The following NRXN1 variants were observed in gnomAD, a reference collection of about 807,000 sequenced individuals.
NRXN1 encodes the protein neurexin 1.
In NRXN1, 39 loss-of-function variants were observed where a neutral mutation model predicts 150.9. That is an observed-to-expected ratio of 0.26 (90% CI 0.20 to 0.34). The LOEUF (loss-of-function observed/expected upper bound fraction) is 0.34, where lower values mean the gene tolerates loss of function less well. Among genes scored for constraint, NRXN1 ranks in the 10% least tolerant of loss-of-function variants. The pLI is 1.00. For missense variants in NRXN1, 1,815 were observed against 1,949.9 expected, an observed-to-expected ratio of 0.93 and a Z score of 1.30; for synonymous variants, 924 against 757.0, an observed-to-expected ratio of 1.22 and a Z score of -3.62.
chr2:50,976,277 T>C (rs983812057), intron 2 of NRXN1, among the ~76,000 whole-genome samples: 22 of 151,988 alleles, frequency 1.4e-4, no homozygotes, highest in Middle Eastern at 3.4e-3. Context: ...TTCTTTCTTG[T>C]ATTTCCTAAA....
intron 21 of NRXN1, among the ~76,000 whole-genome samples, chr2:49,975,607 T>C (rs1205942506): frequency 6.6e-6 from 1 of 152,222 alleles, no homozygotes; most frequent in African/African-American, 2.4e-5. Flanking sequence ...TTTTTTAAAA[T>C]AGATGTTGTC....
intron 17 of NRXN1, among the ~76,000 whole-genome samples, chr2:50,350,498 G>T (rs1413683334): frequency 6.6e-6 from 1 of 152,116 alleles, no homozygotes; most frequent in Non-Finnish European, 1.5e-5. Context: ...TGTGCATTGG[G>T]AACACAAACG....
chr2:50,372,049 C>G (rs545341983), intron 17 of NRXN1, among the ~76,000 whole-genome samples: 1 of 152,118 alleles, frequency 6.6e-6, no homozygotes, highest in South Asian at 2.1e-4. Flanking sequence ...GAAACAAAAT[C>G]ACTGTTGCTT....
intron 5 of NRXN1, among the ~76,000 whole-genome samples, chr2:50,814,744 C>A (rs1404566668): frequency 6.6e-6 from 1 of 152,006 alleles, no homozygotes; most frequent in Admixed American, 6.6e-5. Context: ...TAAAAATATA[C>A]AAAGGTATTT....
At chr2:50,561,427 T>C (rs1398546282) in intron 8 of NRXN1, among the ~76,000 whole-genome samples, 1 of 152,202 alleles carries the variant, frequency 6.6e-6, no homozygotes, top group Non-Finnish European at 1.5e-5. Context: ...AACTGCAAAC[T>C]TGATCAATTG....
intron 18 of NRXN1, among the ~76,000 whole-genome samples, chr2:50,187,212 C>T (rs970169253): frequency 3.3e-5 from 5 of 152,164 alleles, no homozygotes; most frequent in Admixed American, 1.3e-4. Context: ...ATGAATATTA[C>T]ACATCCTGAG....
intron 5 of NRXN1, among the ~76,000 whole-genome samples, chr2:50,885,190 A>C (rs948009251): frequency 2.0e-5 from 3 of 151,686 alleles, no homozygotes; most frequent in Non-Finnish European, 3.0e-5. Context: ...TATGATCCTG[A>C]ATGTGACAGT....
chr2:50,879,129 C>T (rs1469696209), intron 5 of NRXN1, among the ~76,000 whole-genome samples: 1 of 151,812 alleles, frequency 6.6e-6, no homozygotes, highest in Non-Finnish European at 1.5e-5. Flanking sequence ...GTTATCCAAT[C>T]AGTTGAAAAC....
intron 17 of NRXN1, among the ~76,000 whole-genome samples, chr2:50,269,355 T>A (rs547944504): frequency 6.6e-6 from 1 of 152,228 alleles, no homozygotes; most frequent in African/African-American, 2.4e-5. Context: ...TTTGTAGCTG[T>A]ATTTTCACTT....
rs2077937257 is a variant in NRXN1, at chr2:50,346,056, A to C, written c.3365-109086T>G. On this transcript the variant is annotated intron_variant, in intron 17 of 22. Transcript: ENST00000401669. This position sits in a 1 kb window ranked among gnomAD's most constrained non-coding sequence, Gnocchi z 5.0. ...TCCAGAGGTCCCCTCCATGCCTGCGAAGGGCTGGCCCGCATTAAAGGGGAT... is the reference window on the plus strand; with the variant it reads ...TCCAGAGGTCCCCTCCATGCCTGCGCAGGGCTGGCCCGCATTAAAGGGGAT... 6.6e-6 allele frequency among the ~76,000 whole-genome samples: 1 copy of C among 152,206 alleles called. No homozygotes were observed. The highest frequency in any genetic ancestry group is 2.4e-5 in the African/African-American group (1 of 41,456).
intron 17 of NRXN1, among the ~76,000 whole-genome samples, chr2:50,301,223 C>T (rs2074119309): frequency 6.6e-6 from 1 of 152,160 alleles, no homozygotes; most frequent in Non-Finnish European, 1.5e-5. Context: ...TAATAGCAAA[C>T]ACACTATAGC....
chr2:49,987,670 T>A (rs1162887147), intron 21 of NRXN1, among the ~76,000 whole-genome samples: 1 of 152,056 alleles, frequency 6.6e-6, no homozygotes, highest in Non-Finnish European at 1.5e-5. Context: ...ATTTTTATAG[T>A]TTGTCAAATT....
chr2:50,882,564 C>T (rs1679608947), intron 5 of NRXN1, among the ~76,000 whole-genome samples: 1 of 151,716 alleles, frequency 6.6e-6, no homozygotes, highest in Admixed American at 6.6e-5. Context: ...AACCAGCAAA[C>T]CATAAAAAGT....
At chr2:50,725,646 C>T (rs1697256400) in intron 5 of NRXN1, among the ~76,000 whole-genome samples, 1 of 151,976 alleles carries the variant, frequency 6.6e-6, no homozygotes, top group African/African-American at 2.4e-5. Flanking sequence ...AGAAAATGCC[C>T]TTCTTACAAC....
At chr2:50,795,145 A>T (rs535858285) in intron 5 of NRXN1, among the ~76,000 whole-genome samples, 6 of 152,264 alleles carry the variant, frequency 3.9e-5, no homozygotes, top group African/African-American at 1.4e-4. Flanking sequence ...TAGTCTTTTC[A>T]GTGAAATCTA....
intron 2 of NRXN1, among the ~76,000 whole-genome samples, chr2:50,989,580 C>A (rs1698236925): frequency 6.6e-6 from 1 of 151,902 alleles, no homozygotes; most frequent in African/African-American, 2.4e-5. Flanking sequence ...TGGTTTCTTG[C>A]CCTTAGTGAA....
At chr2:50,473,358 TA>T (rs1420642261) in intron 15 of NRXN1, among the ~76,000 whole-genome samples, 1,536 of 145,714 alleles carry the variant, frequency 0.011, 22 homozygotes, top group African/African-American at 0.035. Context: ...GACTATTACT[TA>T]AAAAAAAAAA....
At chr2:50,263,149 A>AAC (rs1314277092) in intron 17 of NRXN1, among the ~76,000 whole-genome samples, 27 of 128,998 alleles carry the variant, frequency 2.1e-4, no homozygotes, top group East Asian at 1.2e-3. Context: ...CCAAGAGGAA[A>AAC]ACACACATAC....
chr2:50,988,139 G>A (rs1697997814), intron 2 of NRXN1, among the ~76,000 whole-genome samples: 1 of 151,932 alleles, frequency 6.6e-6, no homozygotes, highest in African/African-American at 2.4e-5. Context: ...TAACTCCAAT[G>A]TTCAGCTGAC....
Sources: allele counts gnomAD v4.1 joint callset (sites outside exome capture counted in the v4.1 genomes callset), GRCh38; gene constraint gnomAD v4.1.1; non-coding constraint Gnocchi (gnomAD v3.1); transcripts MANE v1.5; gene names NCBI Gene and HGNC (gene_info 2026-07-23, HGNC 2026-07-21).